SLC27A1: variants seen among roughly 807,000 people sequenced by gnomAD.
SLC27A1 encodes long-chain fatty acid transport protein 1.
SLC27A1 carries 61 observed loss-of-function variants against 62.2 expected under a neutral mutation model. That is an observed-to-expected ratio of 0.98 (90% confidence interval 0.80 to 1.21). The LOEUF is 1.21. Among genes scored for constraint, SLC27A1 ranks in the 50% most tolerant of loss-of-function variants. The pLI is 0.00. For missense variants in SLC27A1, 903 were observed against 932.1 expected, an observed-to-expected ratio of 0.97 and a Z score of 0.41; for synonymous variants, 435 against 408.6, an observed-to-expected ratio of 1.06 and a Z score of -0.78.
At chr19:17,485,498 C>CTTGTTTGT (rs148197572) in intron 1 of SLC27A1, among the ~76,000 whole-genome samples, 2,321 of 149,764 alleles carry the variant, frequency 0.015, 31 homozygotes, top group African/African-American at 0.03. Flanking sequence ...TAAAGCATTT[C>CTTGTTTGT]TTGTTTGTTT....
chr19:17,488,776 G>T, intron 4 of SLC27A1, 72 bp from the exon 5 acceptor site: 13 of 1,384,952 alleles, frequency 9.4e-6, no homozygotes, highest in African/African-American at 1.4e-5. Flanking sequence ...CATGCAGCAT[G>T]CTTCCCCATG....
intron 11 of SLC27A1, among the ~76,000 whole-genome samples, chr19:17,502,893 A>C (rs902357228): frequency 3.3e-5 from 5 of 152,050 alleles, no homozygotes; most frequent in African/African-American, 1.2e-4. Flanking sequence ...GTATTAGTCC[A>C]TTCTCATGCT....
Position 17,500,407 on chromosome 19 carries a change from G to A in SLC27A1, c.1333+3G>A. 2 of 1,613,676 alleles carry A rather than the reference G, an allele frequency of 1.2e-6. No individual in the cohort carries two copies. The highest frequency in any genetic ancestry group is 2.7e-5 in the African/African-American group (2 of 75,060). ...CCTCTGCATCCCCTGCCAGGCCGGT[G>A]AGCAGGGCCCCCGCATGGTCCCCAC... On this transcript the variant is annotated splice_donor_region_variant and intron_variant, in intron 8 of 11. Coordinates refer to ENST00000252595, the MANE Select transcript of SLC27A1 (RefSeq NM_198580.3).
In SLC27A1 at chr19:17,486,691, G is replaced by C; in HGVS notation, c.296G>C (p.Gly99Ala). 1 of 1,611,418 alleles carries C rather than the reference G, an allele frequency of 6.2e-7. No homozygotes were observed. The highest frequency in any genetic ancestry group is 8.5e-7 in the Non-Finnish European group (1 of 1,179,618). The change falls in exon 2 of 12, where the codon GGG becomes GCG. Residue 99 changes from glycine (G) to alanine (A), a missense_variant. By Grantham distance (60) the Gly-to-Ala change is moderately conservative (BLOSUM62 0). Coordinates refer to ENST00000252595, the MANE Select transcript of SLC27A1 (RefSeq NM_198580.3). This position sits in a 1 kb window ranked among gnomAD's most constrained non-coding sequence, Gnocchi z 6.6. The stretch of plus-strand genomic sequence containing the variant: ...GAGCGCCTGGCGCTGGTGGATGCCG[G>C]GACCGGCGAGTGCTGGACCTTTGCG... ...QPERLALVDA[G>A]TGECWTFAQL...
rs1422424579 is a variant in SLC27A1, at chr19:17,486,837, C to T, written c.442C>T (p.Leu148=). The change falls in exon 2 of 12, where the codon CTG becomes TTG. Residue 148 remains leucine, a synonymous_variant. Coordinates refer to ENST00000252595, the MANE Select transcript of SLC27A1 (RefSeq NM_198580.3). This position sits in a 1 kb window ranked among gnomAD's most constrained non-coding sequence, Gnocchi z 6.6. The part of the protein sequence containing the change: ...RPEFVGLWLG[L]AKAGMEAALL... ...GGAGTTCGTGGGGCTGTGGCTGGGC[C>T]TGGCCAAGGCGGGCATGGAGGCCGC... is the stretch of plus-strand genomic sequence containing the variant. 33 of 1,590,148 alleles carry T rather than the reference C, an allele frequency of 2.1e-5. No individual in the cohort carries two copies. The highest frequency in any genetic ancestry group is 2.6e-5 in the Non-Finnish European group (31 of 1,173,172).
At position 17,475,002 on chromosome 19, in the gene SLC27A1, G is replaced by C. The variant is rs1161731126; in HGVS notation, c.167+4295G>C. 3.3e-5 allele frequency among the ~76,000 whole-genome samples: 5 copies of C among 151,208 alleles called. No homozygotes were observed. In the South Asian group the frequency reaches 1.0e-3, roughly 32 times the overall value. The stretch of plus-strand genomic sequence containing the variant: ...TGGTGTGACTCCACTGCACCCTCCA[G>C]CTCCCAGGTTCAAGCAATTCTCCTG... On this transcript the variant is annotated intron_variant, in intron 1 of 11. Transcript: ENST00000252595.
At chr19:17,485,946 G>C (rs936155150) in intron 1 of SLC27A1, among the ~76,000 whole-genome samples, 1 of 152,330 alleles carries the variant, frequency 6.6e-6, no homozygotes, top group Admixed American at 6.5e-5. Context: ...GTTCCCTGGG[G>C]CCTCTGCCCG....
At chr19:17,498,820 C>T (rs556434963) in intron 7 of SLC27A1, 35 of 156,922 alleles carry the variant, frequency 2.2e-4, no homozygotes, top group Non-Finnish European at 4.4e-4. Flanking sequence ...GGACAGGGGG[C>T]CCTTCCCTGC....
chr19:17,479,797 C>T (rs2075158326), intron 1 of SLC27A1, among the ~76,000 whole-genome samples: 1 of 152,040 alleles, frequency 6.6e-6, no homozygotes, highest in African/African-American at 2.4e-5. Context: ...GGACCCACCA[C>T]CACGCACGGC....
At chr19:17,472,249 G>T (rs960393812) in intron 1 of SLC27A1, among the ~76,000 whole-genome samples, 1 of 151,950 alleles carries the variant, frequency 6.6e-6, no homozygotes, top group Non-Finnish European at 1.5e-5. Context: ...AAAAAAATTA[G>T]CCAGGCGTGG....
intron 1 of SLC27A1, among the ~76,000 whole-genome samples, chr19:17,471,174 T>C (rs1221464528): frequency 6.6e-6 from 1 of 151,024 alleles, no homozygotes; most frequent in African/African-American, 2.4e-5. Context: ...ATAGATAGTC[T>C]CTGGGGGGTT....
intron 11 of SLC27A1, 93 bp from the exon 12 acceptor site, chr19:17,504,362 T>A: frequency 2.0e-6 from 3 of 1,468,520 alleles, no homozygotes. Flanking sequence ...GGACAGCCTG[T>A]GGGAAGGTCC....
In SLC27A1 at chr19:17,476,351, C is replaced by T. The variant is rs1037064565; in HGVS notation, c.167+5644C>T. Among the ~76,000 whole-genome samples, 10 of 152,030 alleles carry T rather than the reference C, an allele frequency of 6.6e-5. No homozygotes were observed. The East Asian group carries it at 1.2e-3, about 18-fold the overall frequency. ...AGGAGTTCGAGACTAGCCTGGCCAACGTGGCGAAACCCTGTCTCTACTAAA... is the reference window on the plus strand; with the variant it reads ...AGGAGTTCGAGACTAGCCTGGCCAATGTGGCGAAACCCTGTCTCTACTAAA... On this transcript the variant is annotated intron_variant, in intron 1 of 11. Transcript: ENST00000252595.
intron 1 of SLC27A1, among the ~76,000 whole-genome samples, chr19:17,479,519 C>T (rs2075155612): frequency 6.6e-6 from 1 of 152,204 alleles, no homozygotes. Context: ...TTTTTCTGAT[C>T]TTCTGCACTT....
At chr19:17,483,817 C>T (rs2075203068) in intron 1 of SLC27A1, 1 of 152,960 alleles carries the variant, frequency 6.5e-6, no homozygotes, top group Non-Finnish European at 1.5e-5. Context: ...CCTGTTCCCA[C>T]CCCAGGGCCT....
chr19:17,497,150 C>G, intron 6 of SLC27A1, 105 bp from the exon 7 acceptor site: 1 of 831,476 alleles, frequency 1.2e-6, no homozygotes, highest in Non-Finnish European at 1.9e-6. Flanking sequence ...CTGTTCCGCT[C>G]ATAGGATTAG....
chr19:17,487,868 T>C (rs7250415), intron 4 of SLC27A1, among the ~76,000 whole-genome samples: 120,371 of 150,518 alleles, frequency 0.8, 49,401 homozygotes, highest in Non-Finnish European at 0.91. Context: ...AAACCCGTCC[T>C]CTCCATCTGT....
intron 1 of SLC27A1, among the ~76,000 whole-genome samples, chr19:17,472,959 T>C (rs905979821): frequency 1.3e-5 from 2 of 152,084 alleles, no homozygotes; most frequent in Non-Finnish European, 2.9e-5. Flanking sequence ...CGCTCCTGGA[T>C]AGTTAATAGA....
chr19:17,497,659 C>T, intron 7 of SLC27A1, 195 bp downstream of exon 7: 1 of 636,998 alleles, frequency 1.6e-6, no homozygotes, highest in Non-Finnish European at 2.8e-6. Context: ...CTGCAGCCTG[C>T]ACAGATAGTC....
Sources: gnomAD v4.1 joint callset for allele counts (sites outside exome capture counted in the v4.1 genomes callset) on GRCh38, gnomAD v4.1.1 for gene constraint, Gnocchi (gnomAD v3.1) non-coding constraint, MANE v1.5 for transcripts, NCBI Gene and HGNC (gene_info 2026-07-23, HGNC 2026-07-21) for gene names.